PCDHAC2: variants seen among roughly 807,000 people sequenced by gnomAD.
PCDHAC2 encodes the protein protocadherin alpha subfamily C, 2, also known as protocadherin alpha-C2.
PCDHAC2 carries 24 observed loss-of-function variants against 63.3 expected under a neutral mutation model. The ratio of observed to expected loss-of-function variants is 0.38; its 90% CI spans 0.27 to 0.53. The LOEUF is 0.53. PCDHAC2 is among the 20% of genes least tolerant of loss of function. PCDHAC2 has a pLI of 0.81. For missense variants in PCDHAC2, 1,181 were observed against 1,275.2 expected (o/e 0.93, Z 1.12); for synonymous variants, 569 against 529.4 (o/e 1.07, Z -1.03).
intron 3 of PCDHAC2, among the ~76,000 whole-genome samples, chr5:141,000,251 G>C (rs2097898188): frequency 6.6e-6 from 1 of 151,264 alleles, no homozygotes; most frequent in Non-Finnish European, 1.5e-5. Context: ...GCTGACACCT[G>C]TGATCCTAGC....
intron 2 of PCDHAC2, among the ~76,000 whole-genome samples, chr5:140,979,714 T>G (rs1428916313): frequency 4.6e-5 from 7 of 152,270 alleles, no homozygotes; most frequent in African/African-American, 1.7e-4. Context: ...TGATCCAGTA[T>G]CCATGCCATG....
At chr5:140,991,740 GCT>G (rs1175946938) in intron 3 of PCDHAC2, among the ~76,000 whole-genome samples, 3 of 152,200 alleles carry the variant, frequency 2.0e-5, no homozygotes, top group African/African-American at 7.2e-5. Context: ...GGTAATGTAG[GCT>G]CTTTCTATCA....
At chr5:141,003,941 G>A (rs532794918) in intron 3 of PCDHAC2, among the ~76,000 whole-genome samples, 1 of 152,236 alleles carries the variant, frequency 6.6e-6, no homozygotes, top group African/African-American at 2.4e-5. Flanking sequence ...TTTGCCTGAG[G>A]GTGAGCTAGG....
chr5:141,006,048 G>T (rs1158028347), intron 3 of PCDHAC2, among the ~76,000 whole-genome samples: 1 of 150,984 alleles, frequency 6.6e-6, no homozygotes, highest in Non-Finnish European at 1.5e-5. Context: ...TTGTAGATGA[G>T]AGTGGAGAAG....
At chr5:141,003,328 G>C (rs941196932) in intron 3 of PCDHAC2, among the ~76,000 whole-genome samples, 1 of 152,102 alleles carries the variant, frequency 6.6e-6, no homozygotes, top group Admixed American at 6.5e-5. Flanking sequence ...AGAGGGCAGG[G>C]TTTTTTGTTT....
Position 140,967,453 on chromosome 5 carries a change from C to T in PCDHAC2, c.687C>T (p.Ala229=). 6.2e-7 allele frequency: 1 copy of T among 1,613,556 alleles called. No homozygotes were observed. The highest frequency in any genetic ancestry group is 1.1e-5 in the South Asian group (1 of 91,024). ...CCTTGCACCACCTGGTTCTCACAGC[C>T]GTGGATGGGGGCATCCCAGCCCGCT... ...QAALHHLVLT[A]VDGGIPARSG... The change falls in exon 1 of 4, where the codon GCC becomes GCT. Residue 229 remains alanine (A), a synonymous_variant. Transcript: ENST00000289269.
At chr5:141,006,622 T>C (rs555577523) in intron 3 of PCDHAC2, among the ~76,000 whole-genome samples, 21 of 152,132 alleles carry the variant, frequency 1.4e-4, no homozygotes, top group Non-Finnish European at 7.3e-5. Flanking sequence ...AAGGAGACTA[T>C]TGCTGCAATT....
intron 3 of PCDHAC2, among the ~76,000 whole-genome samples, chr5:140,990,224 G>A (rs1368393390): frequency 6.6e-6 from 1 of 152,160 alleles, no homozygotes; most frequent in South Asian, 2.1e-4. Flanking sequence ...GAAGTTTATT[G>A]TAACTAGCGT....
chr5:141,007,671 A>G (rs1161141271), intron 3 of PCDHAC2, among the ~76,000 whole-genome samples: 1 of 152,184 alleles, frequency 6.6e-6, no homozygotes, highest in African/African-American at 2.4e-5. Context: ...TTACAAAGAC[A>G]AAAGTTATCC....
rs2096018089 is a variant in PCDHAC2 at position 140,966,539 on chromosome 5, T to TCGGAGGCGAG, written c.-221_-212dup. 1 of 462,064 alleles carries TCGGAGGCGAG rather than the reference T, an allele frequency of 2.2e-6. No homozygotes were observed. Among genetic ancestry groups the TCGGAGGCGAG allele is most frequent in the Non-Finnish European group, 3.7e-6 (1 of 269,730 alleles). The allele number at this position is 462,064 out of a possible 1,614,324, so 28.6% of individuals were successfully genotyped here. A position where few individuals can be genotyped will look rare whatever the true frequency, so the allele number is the denominator to read the frequency against. ...AGGAAGCCGAGCCGGGTTGAGCGACTCGGAGGCGAGCGGAGGAGCTGGAAT... is the reference window on the plus strand; with the variant it reads ...AGGAAGCCGAGCCGGGTTGAGCGACTCGGAGGCGAGCGGAGGCGAGCGGAGGAGCTGGAAT... On this transcript the variant is annotated 5_prime_UTR_variant, in exon 1 of 4. Coordinates refer to ENST00000289269, the MANE Select transcript of PCDHAC2 (RefSeq NM_018899.6).
intron 3 of PCDHAC2, among the ~76,000 whole-genome samples, chr5:140,999,140 G>A (rs1473682487): frequency 6.6e-6 from 1 of 152,164 alleles, no homozygotes; most frequent in African/African-American, 2.4e-5. Context: ...TGTCACAGCC[G>A]GAAGTCTTCA....
At chr5:140,996,650 G>A (rs943173536) in intron 3 of PCDHAC2, among the ~76,000 whole-genome samples, 2 of 152,042 alleles carry the variant, frequency 1.3e-5, no homozygotes, top group Non-Finnish European at 2.9e-5. Context: ...GTTAATCCTG[G>A]GTGCAGGCTA....
Position 140,977,158 on chromosome 5 carries a change from A to G in PCDHAC2, c.2566-1791A>G, listed in dbSNP as rs6862693. Among the ~76,000 whole-genome samples, 983 of 152,340 alleles carry G rather than the reference A, an allele frequency of 6.5e-3. 6 individuals carry two copies. The highest frequency in any genetic ancestry group is 0.023 in the African/African-American group (951 of 41,586). ...CAGTCCTGCTGGAACTGTGCCTTTC[A>G]GCAAAATGAGTTTGATGATTTCATT... On this transcript the variant is annotated intron_variant, in intron 1 of 3. Transcript: ENST00000289269.
intron 3 of PCDHAC2, among the ~76,000 whole-genome samples, chr5:140,998,872 T>C (rs1159101161): frequency 6.6e-6 from 1 of 152,202 alleles, no homozygotes; most frequent in African/African-American, 2.4e-5. Flanking sequence ...TTGTAAATAA[T>C]AAGTTTAGTT....
Position 140,966,489 on chromosome 5 carries a change from C to A in PCDHAC2, c.-278C>A. 2 of 440,146 alleles carry A rather than the reference C, an allele frequency of 4.5e-6. No homozygotes were observed. Among genetic ancestry groups the A allele is most frequent in the Non-Finnish European group, 7.9e-6 (2 of 254,110 alleles). 27.3% of individuals were successfully genotyped at this position (440,146 alleles called of 1,614,324 possible). A position where few individuals can be genotyped will look rare whatever the true frequency, so the allele number is the denominator to read the frequency against. ...CCCTTCTGTTTCCTTTTCCCTCCCC[C>A]TGGAGCTGTAGCGGCAGCAGCAGCA... On this transcript the variant is annotated 5_prime_UTR_variant, in exon 1 of 4. The change creates a new upstream start codon in the 5' untranslated region. Transcript: ENST00000289269.
intron 3 of PCDHAC2, 42 bp downstream of exon 3, chr5:140,982,605 A>G: frequency 1.9e-6 from 3 of 1,605,520 alleles, no homozygotes; most frequent in Non-Finnish European, 2.6e-6. Flanking sequence ...GGTTTCTGGA[A>G]AGTGATCAGA....
chr5:140,997,375 G>A (rs983164883), intron 3 of PCDHAC2, among the ~76,000 whole-genome samples: 1 of 152,066 alleles, frequency 6.6e-6, no homozygotes, highest in Non-Finnish European at 1.5e-5. Flanking sequence ...AGATGATATA[G>A]CATACTACAC....
chr5:140,967,785 G>C lies in PCDHAC2; in HGVS notation c.1019G>C (p.Arg340Pro). 6.2e-7 allele frequency: 1 copy of C among 1,614,176 alleles called. No homozygotes were observed. Among genetic ancestry groups the C allele is most frequent in the Non-Finnish European group, 8.5e-7 (1 of 1,180,036 alleles). ...SYQIYVQATD[R>P]GPVPMAGHCK... is the part of the protein sequence containing the mutation. ...CAGATCTATGTGCAGGCGACTGACC[G>C]GGGTCCAGTGCCCATGGCAGGTCAC... Residue 340 changes from arginine to proline, a missense_variant, in exon 1 of 4, where the codon CGG (arginine) becomes CCG (proline). Transcript: ENST00000289269.
At chr5:140,991,682 C>G (rs1234700322) in intron 3 of PCDHAC2, among the ~76,000 whole-genome samples, 2 of 152,170 alleles carry the variant, frequency 1.3e-5, no homozygotes, top group Non-Finnish European at 2.9e-5. Context: ...TCTGAGTCCT[C>G]TCTAGTAGAG....
Sources: gnomAD v4.1 joint callset for allele counts (sites outside exome capture counted in the v4.1 genomes callset) on GRCh38, gnomAD v4.1.1 for gene constraint, MANE v1.5 for transcripts, NCBI Gene and HGNC (gene_info 2026-07-23, HGNC 2026-07-21) for gene names.